The following GBE1 variants were observed in gnomAD, a reference collection of about 807,000 sequenced individuals.
GBE1 encodes 1,4-alpha-glucan-branching enzyme.
GBE1 carries 70 observed loss-of-function variants against 88.8 expected under a neutral mutation model. The ratio of observed to expected loss-of-function variants is 0.79; its 90% CI spans 0.65 to 0.96. The LOEUF (loss-of-function observed/expected upper bound fraction) is 0.96. GBE1 is among the 40% of genes least tolerant of loss of function. GBE1 has a pLI of 0.00. For synonymous variants in GBE1, 284 were observed against 300.1 expected, an observed-to-expected ratio of 0.95 and a Z score of 0.56; for missense variants, 872 against 871.0, an observed-to-expected ratio of 1.00 and a Z score of -0.01.
intron 14 of GBE1, among the ~76,000 whole-genome samples, chr3:81,508,219 T>C (rs184606441): frequency 6.6e-6 from 1 of 152,314 alleles, no homozygotes; most frequent in Non-Finnish European, 1.5e-5. Context: ...CTTTACGGAA[T>C]ACTTCTGACT....
At chr3:81,592,873 G>A (rs747810118) in intron 8 of GBE1, among the ~76,000 whole-genome samples, 36 of 152,104 alleles carry the variant, frequency 2.4e-4, no homozygotes, top group Admixed American at 7.9e-4. Context: ...AATCTGTTGT[G>A]TTTTACAGAT....
At position 81,590,075 on chromosome 3, in the gene GBE1, C is replaced by T. The variant is rs114837253; in HGVS notation, c.1236+962G>A. Among the ~76,000 whole-genome samples the T allele has an allele frequency of 5.9e-3, 892 of 151,862 alleles. 6 individuals carry two copies. The highest frequency in any genetic ancestry group is 0.017 in the African/African-American group (704 of 41,442). On this transcript the variant is annotated intron_variant, in intron 9 of 15. Transcript: ENST00000429644. ...CAGAAAATACTTAAAAAGTAAAATGCCTGAAGGGAATAAAACTATTCTCCT... is the reference window on the plus strand; with the variant it reads ...CAGAAAATACTTAAAAAGTAAAATGTCTGAAGGGAATAAAACTATTCTCCT...
chr3:81,687,212 C>T (rs895850903), intron 2 of GBE1, among the ~76,000 whole-genome samples: 1 of 152,022 alleles, frequency 6.6e-6, no homozygotes, highest in Non-Finnish European at 1.5e-5. Flanking sequence ...GTATGTCTTT[C>T]GTTCTAATAT....
intron 9 of GBE1, among the ~76,000 whole-genome samples, chr3:81,588,968 G>A (rs1443469236): frequency 6.6e-6 from 1 of 151,940 alleles, no homozygotes; most frequent in Non-Finnish European, 1.5e-5. Flanking sequence ...CCTCATTAAT[G>A]CATATGAGTT....
At chr3:81,556,873 A>C (rs551960530) in intron 12 of GBE1, among the ~76,000 whole-genome samples, 2 of 152,070 alleles carry the variant, frequency 1.3e-5, no homozygotes, top group South Asian at 4.1e-4. Flanking sequence ...AAAGGACATA[A>C]ATTTTAGGAC....
At chr3:81,620,213 C>T (rs984968838) in intron 7 of GBE1, among the ~76,000 whole-genome samples, 1 of 148,206 alleles carries the variant, frequency 6.7e-6, no homozygotes, top group Non-Finnish European at 1.5e-5. Flanking sequence ...GATGGAGTCT[C>T]GCACTGTCAT....
At chr3:81,736,760 T>C (rs895233401) in intron 1 of GBE1, among the ~76,000 whole-genome samples, 9 of 152,136 alleles carry the variant, frequency 5.9e-5, no homozygotes, top group African/African-American at 2.2e-4. Flanking sequence ...ATTTTTAACA[T>C]TTACACAACC....
intron 7 of GBE1, among the ~76,000 whole-genome samples, chr3:81,632,946 T>C (rs1394185200): frequency 6.6e-6 from 1 of 152,170 alleles, no homozygotes; most frequent in Admixed American, 6.6e-5. Flanking sequence ...ACTTTCTCTT[T>C]CTTCCATTGT....
chr3:81,730,262 G>A (rs776495076), intron 1 of GBE1, among the ~76,000 whole-genome samples: 2 of 152,134 alleles, frequency 1.3e-5, no homozygotes, highest in Non-Finnish European at 2.9e-5. Flanking sequence ...TATTGGGTAG[G>A]AAACAGCTTG....
intron 14 of GBE1, among the ~76,000 whole-genome samples, chr3:81,529,116 G>A (rs1043432419): frequency 1.3e-5 from 2 of 151,828 alleles, no homozygotes; most frequent in African/African-American, 4.8e-5. Context: ...TCTATCTGTG[G>A]TAGGCTTTTT....
intron 14 of GBE1, among the ~76,000 whole-genome samples, chr3:81,500,779 C>T (rs1375979677): frequency 6.6e-6 from 1 of 152,190 alleles, no homozygotes; most frequent in African/African-American, 2.4e-5. Context: ...TGTTGTTATA[C>T]ACGTTTGACA....
rs574538717 is a variant in GBE1, at chr3:81,581,670, A to T, written c.1336-395T>A. Among the ~76,000 whole-genome samples the T allele has an allele frequency of 1.9e-4, 29 of 152,254 alleles. No homozygotes were observed. The Middle Eastern group carries it at 0.01, about 54-fold the overall frequency. Reference sequence around the variant, plus strand: ...ATACACTTGTTATATTTATTTGTTTATATGAAAAAAATTAGTAAAAAGAGT... The same window carrying T: ...ATACACTTGTTATATTTATTTGTTTTTATGAAAAAAATTAGTAAAAAGAGT... On this transcript the variant is annotated intron_variant, in intron 10 of 15. Coordinates refer to ENST00000429644, the MANE Select transcript of GBE1 (RefSeq NM_000158.4).
intron 14 of GBE1, among the ~76,000 whole-genome samples, chr3:81,504,988 A>G (rs904333178): frequency 6.6e-6 from 1 of 152,218 alleles, no homozygotes; most frequent in East Asian, 1.9e-4. Flanking sequence ...CTAGACGACT[A>G]TAACGATGGC....
intron 12 of GBE1, among the ~76,000 whole-genome samples, chr3:81,548,859 G>C (rs1703239737): frequency 6.6e-6 from 1 of 150,780 alleles, no homozygotes. Context: ...TTGACATTTT[G>C]CTTAAAAATT....
chr3:81,539,790 T>G (rs1703120859), intron 12 of GBE1, among the ~76,000 whole-genome samples: 1 of 151,640 alleles, frequency 6.6e-6, no homozygotes, highest in Non-Finnish European at 1.5e-5. Flanking sequence ...TGACAGAAAG[T>G]TTGGGGTAAG....
chr3:81,712,251 C>G (rs1307233769), intron 1 of GBE1, among the ~76,000 whole-genome samples: 1 of 152,080 alleles, frequency 6.6e-6, no homozygotes, highest in Non-Finnish European at 1.5e-5. Context: ...TGGCGATTCC[C>G]CAAGGATCTA....
chr3:81,491,515 AT>A (rs780675252), intron 15 of GBE1, among the ~76,000 whole-genome samples: 2 of 152,186 alleles, frequency 1.3e-5, no homozygotes, highest in African/African-American at 4.8e-5. Context: ...ATATATCTGA[AT>A]TTTTTTATAA....
At chr3:81,645,012 G>A (rs1357059855) in intron 6 of GBE1, among the ~76,000 whole-genome samples, 1 of 152,164 alleles carries the variant, frequency 6.6e-6, no homozygotes, top group Non-Finnish European at 1.5e-5. Context: ...GAGGAAGTTT[G>A]AAGTTAAGAT....
chr3:81,527,293 T>C (rs1702955525), intron 14 of GBE1, among the ~76,000 whole-genome samples: 1 of 152,098 alleles, frequency 6.6e-6, no homozygotes, highest in Non-Finnish European at 1.5e-5. Flanking sequence ...GCAATACCAT[T>C]CAGGACATAG....
Sources: allele counts gnomAD v4.1 joint callset (sites outside exome capture counted in the v4.1 genomes callset), GRCh38; gene constraint gnomAD v4.1.1; transcripts MANE v1.5; gene names NCBI Gene and HGNC (gene_info 2026-07-23, HGNC 2026-07-21).